RIN3: variants seen among roughly 807,000 people sequenced by gnomAD.
The protein encoded by RIN3 is Ras and Rab interactor 3, also known as RAB5 interacting protein 3.
In RIN3, 54 loss-of-function variants were observed where a neutral mutation model predicts 76.3. The observed-to-expected ratio is 0.71, with a 90% confidence interval of 0.57 to 0.89. The LOEUF is 0.89. Ranked by LOEUF, RIN3 falls within the 40% of genes least tolerant of loss-of-function variation. RIN3 has a pLI of 0.00. For synonymous variants in RIN3, 576 were observed against 564.0 expected, an observed-to-expected ratio of 1.02 and a Z score of -0.30; for missense variants, 1,256 against 1,322.1, an observed-to-expected ratio of 0.95 and a Z score of 0.78.
At position 92,535,960 on chromosome 14, in the gene RIN3, A is replaced by G. The variant is rs28668377; in HGVS notation, c.45-19791A>G. ...TCATTTTTCCCTCAGTTGGATACCC[A>G]GTTGTTCAACACCCTTTATTGACAA... is the stretch of plus-strand genomic sequence containing the variant. On this transcript the variant is annotated intron_variant, in intron 1 of 9. Transcript: ENST00000216487. 3.4e-3 allele frequency among the ~76,000 whole-genome samples: 521 copies of G among 151,948 alleles called. 3 individuals are homozygous for G. Among genetic ancestry groups the G allele is most frequent in the African/African-American group, 0.012 (487 of 41,442 alleles).
chr14:92,659,217 A>G lies in RIN3; in HGVS notation c.2083A>G (p.Ile695Val), dbSNP rs1566891874. The change falls in exon 7 of 10, where the codon ATC becomes GTC. Residue 695 changes from isoleucine (I) to valine (V), a missense_variant. Physicochemically the swap from Ile to Val is conservative, Grantham distance 29. Transcript: ENST00000216487. The part of the protein sequence containing the change: ...KCVLKPLKEA[I>V]NSCLHQIHSK... Reference sequence around the variant, plus strand: ...TGTCCTGAAGCCCCTGAAGGAAGCCATCAACTCATGCCTGCATCAGATCCA... The same window carrying G: ...TGTCCTGAAGCCCCTGAAGGAAGCCGTCAACTCATGCCTGCATCAGATCCA... The G allele has an allele frequency of 6.2e-7, 1 of 1,614,196 alleles. No individual in the cohort carries two copies. The highest frequency in any genetic ancestry group is 1.1e-5 in the South Asian group (1 of 91,082).
At chr14:92,651,228 C>T (rs116929316) in intron 5 of RIN3, among the ~76,000 whole-genome samples, 1 of 152,092 alleles carries the variant, frequency 6.6e-6, no homozygotes, top group African/African-American at 2.4e-5. Context: ...TCTCACCATG[C>T]CTTCCCCACG....
At chr14:92,595,464 G>A (rs888329831) in intron 3 of RIN3, among the ~76,000 whole-genome samples, 1 of 152,236 alleles carries the variant, frequency 6.6e-6, no homozygotes, top group Admixed American at 6.5e-5. Flanking sequence ...GGGGAACTTG[G>A]CTTTGAGGGG....
intron 4 of RIN3, among the ~76,000 whole-genome samples, chr14:92,630,668 C>T (rs17128449): frequency 0.012 from 1,860 of 152,296 alleles, 38 homozygotes; most frequent in African/African-American, 0.042. Flanking sequence ...TCCAGAAAAG[C>T]AGGTGCCCCT....
At chr14:92,677,615 CT>C (rs111826209) in intron 8 of RIN3, among the ~76,000 whole-genome samples, 211 of 149,686 alleles carry the variant, frequency 1.4e-3, no homozygotes, top group African/African-American at 4.4e-3. Context: ...CTGTATCTAC[CT>C]TTTTTTTTTC....
At chr14:92,581,708 C>T (rs1884547881) in intron 3 of RIN3, among the ~76,000 whole-genome samples, 1 of 152,186 alleles carries the variant, frequency 6.6e-6, no homozygotes, top group South Asian at 2.1e-4. Flanking sequence ...TTTCATGTCT[C>T]ATTTTCCATT....
intron 7 of RIN3, among the ~76,000 whole-genome samples, chr14:92,666,799 T>A (rs989027359): frequency 6.6e-6 from 1 of 151,868 alleles, no homozygotes; most frequent in Non-Finnish European, 1.5e-5. Context: ...TTTGGGAACC[T>A]TCTAATGTGA....
At chr14:92,526,663 A>C (rs1195868878) in intron 1 of RIN3, among the ~76,000 whole-genome samples, 1 of 151,486 alleles carries the variant, frequency 6.6e-6, no homozygotes. Context: ...TGAGGCAGGA[A>C]AATCGCTTGA....
intron 2 of RIN3, among the ~76,000 whole-genome samples, chr14:92,557,284 T>G (rs186643417): frequency 1.3e-5 from 2 of 152,212 alleles, no homozygotes; most frequent in Non-Finnish European, 2.9e-5. Flanking sequence ...TGCAAAGGCA[T>G]TGAGTGCCCT....
rs140406575 is a variant in RIN3, at chr14:92,532,074, G to T, written c.44+18098G>T. 2.9e-3 allele frequency among the ~76,000 whole-genome samples: 447 copies of T among 152,012 alleles called. 3 individuals are homozygous for T. The highest frequency in any genetic ancestry group is 0.01 in the African/African-American group (415 of 41,420). On this transcript the variant is annotated intron_variant, in intron 1 of 9. Transcript: ENST00000216487. The stretch of plus-strand genomic sequence containing the variant: ...CTCCTGAGTAGCTGGGACTACAGGC[G>T]CATGCCAGCATGCCAGGCTCATTTT...
rs764089654 is a variant in RIN3, at chr14:92,688,238, C to T, written c.2944C>T (p.Pro982Ser). ...GSPPCLVVREPNFL is the reference protein window; with the variant it reads ...GSPPCLVVRESNFL ...CCCGCCCTGCCTGGTGGTGCGGGAG[C>T]CCAACTTCCTGTGAGGCCCTCCCGG... Residue 982 changes from proline (P) to serine (S), a missense_variant, in exon 10 of 10, where the codon CCC becomes TCC. Pro to Ser is a moderately conservative substitution (Grantham distance 74). Transcript: ENST00000216487. The T allele has an allele frequency of 1.9e-6, 3 of 1,590,610 alleles. No individual in the cohort carries two copies. Among genetic ancestry groups the T allele is most frequent in the Admixed American group, 1.7e-5 (1 of 58,720 alleles).
chr14:92,629,206 A>G (rs1425075660), intron 4 of RIN3, among the ~76,000 whole-genome samples: 2 of 152,182 alleles, frequency 1.3e-5, no homozygotes, highest in East Asian at 3.9e-4. Context: ...GGAAAAAGAG[A>G]AAGGAGAAAA....
chr14:92,619,271 T>G (rs1886082101), intron 4 of RIN3, among the ~76,000 whole-genome samples: 1 of 152,176 alleles, frequency 6.6e-6, no homozygotes, highest in Non-Finnish European at 1.5e-5. Flanking sequence ...ATTTTGAAAC[T>G]GAAGTTTGAT....
chr14:92,565,564 A>G (rs1438799023), intron 2 of RIN3, among the ~76,000 whole-genome samples: 1 of 152,196 alleles, frequency 6.6e-6, no homozygotes, highest in Non-Finnish European at 1.5e-5. Flanking sequence ...TTTCTGGGAA[A>G]GGGGTAGGCA....
At chr14:92,615,218 G>A (rs1216248515) in intron 3 of RIN3, among the ~76,000 whole-genome samples, 189 bp from the exon 4 acceptor site, 1 of 152,062 alleles carries the variant, frequency 6.6e-6, no homozygotes, top group Admixed American at 6.5e-5. Flanking sequence ...GGATTGACAA[G>A]GAATTCCATT....
intron 4 of RIN3, among the ~76,000 whole-genome samples, chr14:92,619,962 T>C (rs1160555604): frequency 1.3e-5 from 2 of 152,236 alleles, no homozygotes; most frequent in Admixed American, 6.5e-5. Flanking sequence ...TTGGACCACA[T>C]GTTTACATTT....
intron 1 of RIN3, among the ~76,000 whole-genome samples, chr14:92,518,752 C>T (rs1896512588): frequency 6.7e-6 from 1 of 148,704 alleles, no homozygotes; most frequent in Non-Finnish European, 1.5e-5. Context: ...AAATGCGGGT[C>T]TCTGGACCAC....
At chr14:92,632,522 A>G (rs761954058) in intron 4 of RIN3, among the ~76,000 whole-genome samples, 13 of 152,194 alleles carry the variant, frequency 8.5e-5, no homozygotes, top group Non-Finnish European at 1.8e-4. Flanking sequence ...ACGATCAAGC[A>G]TGTTCTTATT....
At chr14:92,540,608 G>A (rs535471004) in intron 1 of RIN3, among the ~76,000 whole-genome samples, 1 of 152,294 alleles carries the variant, frequency 6.6e-6, no homozygotes, top group African/African-American at 2.4e-5. Flanking sequence ...CTGTGTTTTT[G>A]TTTCTGTATG....
Sources: allele counts gnomAD v4.1 joint callset (sites outside exome capture counted in the v4.1 genomes callset), GRCh38; gene constraint gnomAD v4.1.1; transcripts MANE v1.5; gene names NCBI Gene and HGNC (gene_info 2026-07-23, HGNC 2026-07-21).